EXT2: variants seen among roughly 807,000 people sequenced by gnomAD.
EXT2 encodes the protein exostosin glycosyltransferase 2.
Under a neutral mutation model 81.6 loss-of-function variants are expected in EXT2, and 53 were observed. The observed-to-expected ratio is 0.65, with a 90% CI of 0.52 to 0.82. The LOEUF is 0.82. Among genes scored for constraint, EXT2 ranks in the 40% least tolerant of loss-of-function variants. EXT2 has a pLI of 0.00. For synonymous variants in EXT2, 320 were observed against 340.0 expected, an observed-to-expected ratio of 0.94 and a Z score of 0.65; for missense variants, 774 against 910.2, an observed-to-expected ratio of 0.85 and a Z score of 1.93.
intron 8 of EXT2, among the ~76,000 whole-genome samples, chr11:44,193,362 A>G (rs1374188276): frequency 6.6e-6 from 1 of 152,216 alleles, no homozygotes; most frequent in Non-Finnish European, 1.5e-5. Context: ...CACAAGATCA[A>G]CCATTGGCTA....
intron 8 of EXT2, among the ~76,000 whole-genome samples, chr11:44,174,805 G>T (rs1955134184): frequency 2.0e-5 from 3 of 152,122 alleles, no homozygotes; most frequent in Admixed American, 6.5e-5. Context: ...GTATTATCTA[G>T]TCAGAGAAAG....
intron 1 of EXT2, among the ~76,000 whole-genome samples, chr11:44,097,768 ATAAATAAAT>A (rs750364532): frequency 6.5e-5 from 6 of 92,426 alleles, no homozygotes; most frequent in East Asian, 5.7e-4. Flanking sequence ...CAAAAAATAA[ATAAATAAAT>A]AAATAAATAA....
At chr11:44,197,238 G>T (rs754789136) in intron 8 of EXT2, among the ~76,000 whole-genome samples, 4 of 151,788 alleles carry the variant, frequency 2.6e-5, no homozygotes, top group Non-Finnish European at 5.9e-5. Flanking sequence ...GCCTCTAACT[G>T]CTCCTTAAAC....
At chr11:44,229,153 G>T (rs1185352860) in intron 10 of EXT2, among the ~76,000 whole-genome samples, 1 of 152,258 alleles carries the variant, frequency 6.6e-6, no homozygotes, top group East Asian at 1.9e-4. Flanking sequence ...GAACAGGCAG[G>T]TGCTTGGTGC....
At chr11:44,217,528 G>A (rs1286260387) in intron 10 of EXT2, among the ~76,000 whole-genome samples, 2 of 152,196 alleles carry the variant, frequency 1.3e-5, no homozygotes, top group Non-Finnish European at 2.9e-5. Context: ...ACAAGCTCTA[G>A]TGAGCTACCA....
At chr11:44,212,061 G>A (rs561655683) in intron 10 of EXT2, among the ~76,000 whole-genome samples, 108 of 152,044 alleles carry the variant, frequency 7.1e-4, no homozygotes, top group East Asian at 1.9e-3. Flanking sequence ...TGAGTCAAGC[G>A]GATCACGAGG....
chr11:44,242,970 A>G (rs1157445753), intron 13 of EXT2, among the ~76,000 whole-genome samples: 3 of 152,244 alleles, frequency 2.0e-5, no homozygotes, highest in Non-Finnish European at 4.4e-5. Context: ...ATTAATGCAT[A>G]GAAAGCAATT....
At chr11:44,149,662 G>A (rs770731029) in intron 7 of EXT2, among the ~76,000 whole-genome samples, 9 of 152,056 alleles carry the variant, frequency 5.9e-5, no homozygotes, top group Non-Finnish European at 1.2e-4. Context: ...TGTCATTAAC[G>A]AATATATGCT....
chr11:44,096,734 T>C (rs1245719163), intron 1 of EXT2, among the ~76,000 whole-genome samples: 1 of 152,152 alleles, frequency 6.6e-6, no homozygotes, highest in Non-Finnish European at 1.5e-5. Context: ...ACACACAATT[T>C]TGAGAATCAA....
At chr11:44,124,482 C>CACACACAA (rs1954367853) in intron 4 of EXT2, among the ~76,000 whole-genome samples, 2 of 145,752 alleles carry the variant, frequency 1.4e-5, no homozygotes, top group Admixed American at 7.0e-5. Flanking sequence ...CACACACACA[C>CACACACAA]AATTTATAGC....
intron 4 of EXT2, among the ~76,000 whole-genome samples, chr11:44,120,530 T>G (rs1272335619): frequency 6.6e-6 from 1 of 152,026 alleles, no homozygotes; most frequent in Non-Finnish European, 1.5e-5. Flanking sequence ...CAAAAAAAAA[T>G]TAAAAAGTAA....
chr11:44,231,819 G>A lies in EXT2; in HGVS notation c.1663-534G>A, dbSNP rs1277878859. ...TTCCAGATTTGGAAAGCAAGTATTT[G>A]TTTTCATTGTTTTACAGATTACAGA... On this transcript the variant is annotated intron_variant, in intron 10 of 13. Coordinates refer to ENST00000533608, the MANE Select transcript of EXT2 (RefSeq NM_207122.2). 2.0e-5 allele frequency among the ~76,000 whole-genome samples: 3 copies of A among 152,224 alleles called. No homozygotes were observed. The East Asian group carries it at 5.8e-4, about 29-fold the overall frequency.
Position 44,236,227 on chromosome 11 carries a change from G to C in EXT2, c.1936-66G>C, listed in dbSNP as rs112586310. The C allele has an allele frequency of 6.8e-3, 9,557 of 1,401,218 alleles. 272 individuals are homozygous for C. The East Asian group carries it at 0.076, about 11-fold the overall frequency. 86.8% of individuals were successfully genotyped at this position (1,401,218 alleles called of 1,614,324 possible). On this transcript the variant is annotated intron_variant, in intron 12 of 13. Coordinates refer to ENST00000533608, the MANE Select transcript of EXT2 (RefSeq NM_207122.2). ...ACAACACAAAAGAATGCAGTGTGGT[G>C]TCACAAGCATGATTTTATTGTCCTT...
At chr11:44,099,890 C>T (rs74384666) in intron 1 of EXT2, among the ~76,000 whole-genome samples, 1 of 152,118 alleles carries the variant, frequency 6.6e-6, no homozygotes, top group African/African-American at 2.4e-5. Flanking sequence ...ATTGTTTATT[C>T]CACCTCAAGT....
At chr11:44,229,416 C>T (rs999544443) in intron 10 of EXT2, among the ~76,000 whole-genome samples, 2 of 152,220 alleles carry the variant, frequency 1.3e-5, no homozygotes, top group African/African-American at 4.8e-5. Context: ...TCGATTAGCT[C>T]TGTTGGTTAC....
intron 7 of EXT2, among the ~76,000 whole-genome samples, chr11:44,139,783 T>C (rs566663299): frequency 6.6e-6 from 1 of 152,222 alleles, no homozygotes; most frequent in African/African-American, 2.4e-5. Flanking sequence ...CCCTTTTCTT[T>C]ATGGGCTTCT....
intron 7 of EXT2, 108 bp downstream of exon 7, chr11:44,130,246 A>G: frequency 2.5e-6 from 2 of 790,344 alleles, no homozygotes; most frequent in Non-Finnish European, 2.3e-6. Flanking sequence ...TACTTCCTCC[A>G]CTAGATCAAC....
At chr11:44,155,499 T>C (rs1376250370) in intron 7 of EXT2, among the ~76,000 whole-genome samples, 1 of 152,108 alleles carries the variant, frequency 6.6e-6, no homozygotes, top group Non-Finnish European at 1.5e-5. Flanking sequence ...TGCAGGATTT[T>C]TTTTATAGTT....
At chr11:44,227,789 G>T (rs1037252041) in intron 10 of EXT2, among the ~76,000 whole-genome samples, 5 of 152,196 alleles carry the variant, frequency 3.3e-5, no homozygotes, top group Admixed American at 2.6e-4. Flanking sequence ...CAACAGGTAA[G>T]AGGTGTTGAG....
Sources: allele counts gnomAD v4.1 joint callset (sites outside exome capture counted in the v4.1 genomes callset), GRCh38; gene constraint gnomAD v4.1.1; transcripts MANE v1.5; gene names NCBI Gene and HGNC (gene_info 2026-07-23, HGNC 2026-07-21).